Variants in ITFG1 observed in about 807,000 individuals in gnomAD.
ITFG1 encodes the protein integrin alpha FG-GAP repeat containing 1.
In ITFG1, 34 loss-of-function variants were observed where a neutral mutation model predicts 81.8. The ratio of observed to expected loss-of-function variants is 0.42; its 90% confidence interval spans 0.32 to 0.55. The LOEUF (loss-of-function observed/expected upper bound fraction) is 0.55. ITFG1 is among the 20% of genes least tolerant of loss of function. ITFG1 has a pLI of 0.17. For synonymous variants in ITFG1, 285 were observed against 270.6 expected, an observed-to-expected ratio of 1.05 and a Z score of -0.52; for missense variants, 672 against 755.4, an observed-to-expected ratio of 0.89 and a Z score of 1.29.
chr16:47,230,429 C>T (rs188112663), intron 13 of ITFG1, among the ~76,000 whole-genome samples: 81 of 152,096 alleles, frequency 5.3e-4, no homozygotes, highest in African/African-American at 1.7e-3. Context: ...ATGCAGGCAA[C>T]TCGAGTTTGG....
At chr16:47,172,521 T>C (rs1964974931) in intron 14 of ITFG1, among the ~76,000 whole-genome samples, 1 of 150,792 alleles carries the variant, frequency 6.6e-6, no homozygotes, top group African/African-American at 2.4e-5. Flanking sequence ...CCCCCCATAA[T>C]CCCTGATTTT....
chr16:47,418,698 T>C (rs117341249), intron 6 of ITFG1, among the ~76,000 whole-genome samples: 1,727 of 152,336 alleles, frequency 0.011, 20 homozygotes, highest in Middle Eastern at 0.024. Context: ...TGTGGAATTA[T>C]TTCTGGGTTC....
In ITFG1 at chr16:47,216,819, G is replaced by A. The variant is rs1034605868; in HGVS notation, c.1453+2049C>T. 1.1e-4 allele frequency among the ~76,000 whole-genome samples: 17 copies of A among 151,558 alleles called. 1 individual carries two copies. The highest frequency in any genetic ancestry group is 9.2e-4 in the Admixed American group (14 of 15,236). On this transcript the variant is annotated intron_variant, in intron 14 of 17. Coordinates refer to ENST00000320640, the MANE Select transcript of ITFG1 (RefSeq NM_030790.5). ...TGGAATTACAGGCGACCGCCACCAC[G>A]TGCAGCTTTTGTATTTTTAGTGGAA...
At chr16:47,278,245 T>C (rs1230613192) in intron 10 of ITFG1, among the ~76,000 whole-genome samples, 1 of 152,152 alleles carries the variant, frequency 6.6e-6, no homozygotes, top group Admixed American at 6.5e-5. Flanking sequence ...ACATAAAGAA[T>C]AGTGGTGGAG....
intron 10 of ITFG1, among the ~76,000 whole-genome samples, chr16:47,287,117 G>C (rs2151552815): frequency 6.6e-6 from 1 of 152,206 alleles, no homozygotes; most frequent in East Asian, 1.9e-4. Context: ...AAGGACACTT[G>C]GTTAAGAAAT....
At chr16:47,263,877 G>A (rs1185480497) in intron 10 of ITFG1, among the ~76,000 whole-genome samples, 5 of 152,122 alleles carry the variant, frequency 3.3e-5, no homozygotes, top group African/African-American at 9.7e-5. Context: ...CATGAGGTTC[G>A]TAACAGTTCA....
At chr16:47,324,027 T>C (rs1209661232) in intron 8 of ITFG1, among the ~76,000 whole-genome samples, 5 of 152,212 alleles carry the variant, frequency 3.3e-5, no homozygotes, top group African/African-American at 4.8e-5. Context: ...TAAATATGTG[T>C]ATATTTAACT....
At chr16:47,413,667 G>T in intron 6 of ITFG1, among the ~76,000 whole-genome samples, 1 of 152,122 alleles carries the variant, frequency 6.6e-6, no homozygotes, top group African/African-American at 2.4e-5. Flanking sequence ...CTGCACTCTA[G>T]CCTGGGCAAC....
intron 6 of ITFG1, among the ~76,000 whole-genome samples, chr16:47,425,416 C>A (rs546362874): frequency 6.6e-6 from 1 of 152,186 alleles, no homozygotes; most frequent in East Asian, 1.9e-4. Context: ...AAGGCGACAC[C>A]CCACCCTGCT....
At chr16:47,455,139 T>G (rs1419719404) in intron 2 of ITFG1, among the ~76,000 whole-genome samples, 1 of 152,188 alleles carries the variant, frequency 6.6e-6, no homozygotes, top group Non-Finnish European at 1.5e-5. Flanking sequence ...TCTACCCTAT[T>G]TCTAGAATGT....
chr16:47,380,190 C>T (rs1184306568), intron 6 of ITFG1, among the ~76,000 whole-genome samples: 1 of 151,990 alleles, frequency 6.6e-6, no homozygotes, highest in African/African-American at 2.4e-5. Context: ...AGGTTAGATC[C>T]CTAGGTTGGA....
chr16:47,454,133 C>T lies in ITFG1; in HGVS notation c.307G>A (p.Val103Ile). 6.2e-7 allele frequency: 1 copy of T among 1,606,288 alleles called. No individual in the cohort carries two copies. The highest frequency in any genetic ancestry group is 8.5e-7 in the Non-Finnish European group (1 of 1,174,886). Reference protein sequence around the residue: ...FKNHSALITSVVPGDYDGDSQ... With the variant: ...FKNHSALITSIVPGDYDGDSQ... ...TCTCCATCATAATCCCCAGGGACTA[C>T]ACTTGTTATCAATGCACTGTGATTC... Residue 103 changes from valine to isoleucine, a missense_variant, in exon 3 of 18, where the codon GTA (valine) becomes ATA (isoleucine). Physicochemically the swap from Val to Ile is conservative, Grantham distance 29. This residue lies in a region of ITFG1 where 560 missense variants were observed against 625.7 expected (regional missense o/e 0.90). Coordinates refer to ENST00000320640, the MANE Select transcript of ITFG1 (RefSeq NM_030790.5).
chr16:47,377,982 G>C (rs1968348322), intron 6 of ITFG1, among the ~76,000 whole-genome samples: 1 of 152,178 alleles, frequency 6.6e-6, no homozygotes, highest in Admixed American at 6.5e-5. Context: ...GGGGAAAGAA[G>C]GGTCTACGTT....
intron 8 of ITFG1, among the ~76,000 whole-genome samples, chr16:47,344,786 G>T (rs555730623): frequency 3.9e-5 from 6 of 152,216 alleles, no homozygotes; most frequent in African/African-American, 1.4e-4. Flanking sequence ...ATTGTTTTCA[G>T]TTTTAGATCC....
intron 13 of ITFG1, among the ~76,000 whole-genome samples, chr16:47,229,261 T>C (rs1439473906): frequency 6.6e-6 from 1 of 151,944 alleles, no homozygotes; most frequent in Non-Finnish European, 1.5e-5. Flanking sequence ...CAGGGAATGC[T>C]TTCTCGGAGG....
At chr16:47,379,829 T>C (rs1430698810) in intron 6 of ITFG1, among the ~76,000 whole-genome samples, 1 of 152,050 alleles carries the variant, frequency 6.6e-6, no homozygotes. Flanking sequence ...GCTGCTGTCT[T>C]GCAATAGTAT....
intron 6 of ITFG1, among the ~76,000 whole-genome samples, chr16:47,419,624 T>TTA (rs1277876511): frequency 1.6e-5 from 2 of 124,216 alleles, no homozygotes; most frequent in African/African-American, 6.1e-5. Flanking sequence ...TTTTTTTTTT[T>TTA]GAGATGGAGT....
intron 14 of ITFG1, among the ~76,000 whole-genome samples, chr16:47,193,292 T>C (rs1233813324): frequency 6.6e-6 from 1 of 151,968 alleles, no homozygotes; most frequent in Non-Finnish European, 1.5e-5. Context: ...TCTTTTGTTC[T>C]TTCTTATCTA....
chr16:47,384,752 T>G (rs765339025), intron 6 of ITFG1, among the ~76,000 whole-genome samples: 11 of 152,230 alleles, frequency 7.2e-5, no homozygotes, highest in Non-Finnish European at 1.2e-4. Context: ...TATCTCTGAC[T>G]GCGTGGCAGT....
Sources: allele counts gnomAD v4.1 joint callset (sites outside exome capture counted in the v4.1 genomes callset), GRCh38; gene constraint gnomAD v4.1.1; regional missense constraint gnomAD v4.1.1; transcripts MANE v1.5; gene names NCBI Gene and HGNC (gene_info 2026-07-23, HGNC 2026-07-21).